Variants in RETREG1 observed in about 807,000 individuals in gnomAD.
The protein encoded by RETREG1 is family with sequence similarity 134 member B.
In RETREG1, 44 loss-of-function variants were observed where a neutral mutation model predicts 54.8. That is an observed-to-expected ratio of 0.80 (90% CI 0.63 to 1.03). The LOEUF is 1.03. Among genes scored for constraint, RETREG1 ranks in the 50% least tolerant of loss-of-function variants. RETREG1 has a pLI of 0.00. For missense variants in RETREG1, 554 were observed against 605.1 expected (o/e 0.92, Z 0.89); for synonymous variants, 217 against 238.5 (o/e 0.91, Z 0.83).
chr5:16,525,447 C>T (rs1310408368), intron 3 of RETREG1, among the ~76,000 whole-genome samples: 1 of 152,122 alleles, frequency 6.6e-6, no homozygotes, highest in Non-Finnish European at 1.5e-5. Context: ...GAGGCCCTAC[C>T]AACAATGGGA....
At chr5:16,587,279 AT>A (rs1742648616) in intron 1 of RETREG1, among the ~76,000 whole-genome samples, 1 of 152,198 alleles carries the variant, frequency 6.6e-6, no homozygotes, top group Non-Finnish European at 1.5e-5. Context: ...TTAGCTGGGT[AT>A]TTTCACATCT....
In RETREG1 at chr5:16,585,572, G is replaced by T. The variant is rs765307286; in HGVS notation, c.321-13470C>A. Reference sequence around the variant, plus strand: ...AGCAGGGAAGGGGACTTCGAGGCAGGGCGGGTGAGTCAAGTTCTGCAGCCC... The same window carrying T: ...AGCAGGGAAGGGGACTTCGAGGCAGTGCGGGTGAGTCAAGTTCTGCAGCCC... On this transcript the variant is annotated intron_variant, in intron 1 of 8. Transcript: ENST00000306320. The surrounding 1 kb of genome is among the most constrained non-coding windows in gnomAD (Gnocchi z 4.5). 2.0e-5 allele frequency among the ~76,000 whole-genome samples: 3 copies of T among 152,220 alleles called. No individual in the cohort carries two copies. Among genetic ancestry groups the T allele is most frequent in the Non-Finnish European group, 2.9e-5 (2 of 68,042 alleles).
At chr5:16,487,758 C>T (rs989185158) in intron 3 of RETREG1, among the ~76,000 whole-genome samples, 4 of 152,196 alleles carry the variant, frequency 2.6e-5, no homozygotes, top group Admixed American at 1.3e-4. Context: ...GTTTTACCTG[C>T]CAGTGAAACT....
At chr5:16,550,273 T>TA (rs1476728116) in intron 3 of RETREG1, among the ~76,000 whole-genome samples, 1 of 68,870 alleles carries the variant, frequency 1.5e-5, no homozygotes, top group Non-Finnish European at 4.6e-5. Flanking sequence ...CTCTTTAAAA[T>TA]TTAAAAAAAA....
chr5:16,547,671 A>G (rs1379975131), intron 3 of RETREG1, among the ~76,000 whole-genome samples: 3 of 152,212 alleles, frequency 2.0e-5, no homozygotes, highest in Non-Finnish European at 4.4e-5. Context: ...TTCTATAAAT[A>G]TAAAGGTACA....
At chr5:16,538,974 G>A (rs947897169) in intron 3 of RETREG1, among the ~76,000 whole-genome samples, 1 of 152,158 alleles carries the variant, frequency 6.6e-6, no homozygotes, top group Non-Finnish European at 1.5e-5. Context: ...AGAGTGCTGG[G>A]ATAAACACAT....
At chr5:16,557,063 C>T (rs1741729168) in intron 3 of RETREG1, among the ~76,000 whole-genome samples, 1 of 152,180 alleles carries the variant, frequency 6.6e-6, no homozygotes, top group Non-Finnish European at 1.5e-5. Flanking sequence ...CTCCTGATCT[C>T]AGGTGATCTG....
chr5:16,607,843 C>T (rs1579727267), intron 1 of RETREG1, among the ~76,000 whole-genome samples: 1 of 150,866 alleles, frequency 6.6e-6, no homozygotes, highest in East Asian at 2.0e-4. Flanking sequence ...CATAAATCTC[C>T]CCTCCCCTCC....
At chr5:16,600,568 C>T (rs749274600) in intron 1 of RETREG1, among the ~76,000 whole-genome samples, 1 of 152,180 alleles carries the variant, frequency 6.6e-6, no homozygotes, top group Non-Finnish European at 1.5e-5. Context: ...CCAGAACACT[C>T]GGAGTCAGGC....
chr5:16,547,987 G>A lies in RETREG1; in HGVS notation c.458+17776C>T, dbSNP rs142885254. On this transcript the variant is annotated intron_variant, in intron 3 of 8. Coordinates refer to ENST00000306320, the MANE Select transcript of RETREG1 (RefSeq NM_001034850.3). ...ATCTTTAAAAATAAATGGGGAGATT[G>A]GACTTATAAGCTTATATCCTATAAG... Among the ~76,000 whole-genome samples, 91 of 152,030 alleles carry A rather than the reference G, an allele frequency of 6.0e-4. No homozygotes were observed. In the East Asian group the frequency reaches 0.013, roughly 22 times the overall value.
chr5:16,500,862 A>G (rs968313398), intron 3 of RETREG1, among the ~76,000 whole-genome samples: 1 of 152,064 alleles, frequency 6.6e-6, no homozygotes, highest in Non-Finnish European at 1.5e-5. Context: ...CCAGGAATGC[A>G]CTCCGGAGCT....
At chr5:16,541,352 C>G (rs758325652) in intron 3 of RETREG1, among the ~76,000 whole-genome samples, 4 of 152,284 alleles carry the variant, frequency 2.6e-5, no homozygotes, top group Middle Eastern at 6.8e-3. Flanking sequence ...AGACAATTCA[C>G]TAAAACGAAC....
rs1330647063 is a variant in RETREG1, at chr5:16,503,662, C to CA, written c.459-20191dup. Among the ~76,000 whole-genome samples the CA allele has an allele frequency of 9.3e-3, 847 of 91,418 alleles. 13 individuals carry two copies. Among genetic ancestry groups the CA allele is most frequent in the Admixed American group, 0.031 (279 of 8,996 alleles). The allele number at this position is 91,418 out of a possible 152,430, so 60.0% of individuals were successfully genotyped here. On this transcript the variant is annotated intron_variant, in intron 3 of 8. Coordinates refer to ENST00000306320, the MANE Select transcript of RETREG1 (RefSeq NM_001034850.3). ...TGGGCGACAGAGCAAGACTCCATCT[C>CA]AAAAAAAAAAAAAAAAGAAAGAAAG...
chr5:16,583,987 C>T (rs181804650), intron 1 of RETREG1, among the ~76,000 whole-genome samples: 5 of 152,222 alleles, frequency 3.3e-5, no homozygotes, highest in African/African-American at 7.2e-5. Context: ...TAATGGCATT[C>T]GCAGCAACCT....
intron 3 of RETREG1, among the ~76,000 whole-genome samples, chr5:16,503,862 A>G (rs1031313596): frequency 5.3e-5 from 8 of 151,830 alleles, no homozygotes; most frequent in Admixed American, 1.3e-4. Flanking sequence ...GAGAGCCAAT[A>G]TTTTGATTCT....
chr5:16,483,560 T>A, intron 3 of RETREG1, 88 bp from the exon 4 acceptor site: 1 of 1,415,470 alleles, frequency 7.1e-7, no homozygotes, highest in Non-Finnish European at 9.9e-7. Context: ...ATTGAGCATC[T>A]ACTGTTGGCC....
rs1304801823 is a variant in RETREG1, at chr5:16,585,369, AG to A, written c.321-13268del. Among the ~76,000 whole-genome samples the A allele has an allele frequency of 6.6e-6, 1 of 152,212 alleles. No homozygotes were observed. The highest frequency in any genetic ancestry group is 1.5e-5 in the Non-Finnish European group (1 of 68,032). The stretch of plus-strand genomic sequence containing the variant: ...ATGGAACCAAGGCCATCTGAGGTCA[AG>A]GCAAAGAGAAACTGAGCATGCTCTA... On this transcript the variant is annotated intron_variant, in intron 1 of 8. Coordinates refer to ENST00000306320, the MANE Select transcript of RETREG1 (RefSeq NM_001034850.3). The surrounding 1 kb of genome is among the most constrained non-coding windows in gnomAD (Gnocchi z 4.5).
At chr5:16,552,744 G>A (rs1025292368) in intron 3 of RETREG1, among the ~76,000 whole-genome samples, 1 of 152,096 alleles carries the variant, frequency 6.6e-6, no homozygotes, top group Admixed American at 6.5e-5. Context: ...GTGCACACAG[G>A]TACAGGTATA....
At chr5:16,513,065 CTTTG>C (rs1174200740) in intron 3 of RETREG1, among the ~76,000 whole-genome samples, 1 of 152,156 alleles carries the variant, frequency 6.6e-6, no homozygotes, top group African/African-American at 2.4e-5. Flanking sequence ...TATTTGAGCA[CTTTG>C]TTTGGAGCAG....
Sources: gnomAD v4.1 joint callset for allele counts (sites outside exome capture counted in the v4.1 genomes callset) on GRCh38, gnomAD v4.1.1 for gene constraint, Gnocchi (gnomAD v3.1) non-coding constraint, MANE v1.5 for transcripts, NCBI Gene and HGNC (gene_info 2026-07-23, HGNC 2026-07-21) for gene names.